PRKG1: variants seen among roughly 807,000 people sequenced by gnomAD.
PRKG1 encodes cGMP-dependent protein kinase 1.
PRKG1 carries 35 observed loss-of-function variants against 88.1 expected under a neutral mutation model. That is an observed-to-expected ratio of 0.40 (90% CI 0.30 to 0.53). The LOEUF is 0.53. PRKG1 is among the 20% of genes least tolerant of loss of function. PRKG1 has a pLI of 0.59. For synonymous variants in PRKG1, 303 were observed against 292.5 expected, an observed-to-expected ratio of 1.04 and a Z score of -0.37; for missense variants, 540 against 839.8, an observed-to-expected ratio of 0.64 and a Z score of 4.41.
chr10:51,331,506 C>T (rs1841740533), intron 2 of PRKG1, among the ~76,000 whole-genome samples: 1 of 152,148 alleles, frequency 6.6e-6, no homozygotes, highest in African/African-American at 2.4e-5. Flanking sequence ...GTCCTGTGCT[C>T]ACTTTCCTCT....
At chr10:51,277,503 T>A (rs1840158121) in intron 2 of PRKG1, among the ~76,000 whole-genome samples, 1 of 152,194 alleles carries the variant, frequency 6.6e-6, no homozygotes, top group Non-Finnish European at 1.5e-5. Flanking sequence ...GTGAAGAAAG[T>A]CTTTCGTAGC....
At chr10:51,125,282 C>T (rs866842761) in intron 1 of PRKG1, among the ~76,000 whole-genome samples, 1 of 151,826 alleles carries the variant, frequency 6.6e-6, no homozygotes, top group Non-Finnish European at 1.5e-5. Flanking sequence ...CAAGATAGCA[C>T]CACTGCACTC....
intron 3 of PRKG1, among the ~76,000 whole-genome samples, chr10:51,772,039 G>C (rs1458916663): frequency 3.3e-5 from 5 of 151,422 alleles, no homozygotes; most frequent in Admixed American, 2.6e-4. Flanking sequence ...ATCCAAAAAA[G>C]TTTCAAATAT....
rs1842784530 is a variant in PRKG1, at chr10:50,991,698, C to T, written c.266+54C>T. On this transcript the variant is annotated intron_variant, in intron 1 of 17. Coordinates refer to the PRKG1 transcript ENST00000401604. This position sits in a 1 kb window ranked among gnomAD's most constrained non-coding sequence, Gnocchi z 4.5. ...CTCGTCCCGGCCCGCGGCGCAGAGG[C>T]TGGGGGCTCTGGCCGCGGCGGCGGG... The T allele has an allele frequency of 1.7e-6, 2 of 1,203,986 alleles. No homozygotes were observed. Among genetic ancestry groups the T allele is most frequent in the African/African-American group, 3.3e-5 (2 of 61,532 alleles). The allele number at this position is 1,203,986 out of a possible 1,614,324, so 74.6% of individuals were successfully genotyped here.
At chr10:51,211,390 G>A (rs887569114) in intron 2 of PRKG1, among the ~76,000 whole-genome samples, 13 of 152,012 alleles carry the variant, frequency 8.6e-5, no homozygotes, top group Admixed American at 3.3e-4. Flanking sequence ...GAAGCATTCC[G>A]TTTGAAAACT....
intron 7 of PRKG1, among the ~76,000 whole-genome samples, chr10:52,105,646 C>T (rs143736795): frequency 6.6e-6 from 1 of 151,602 alleles, no homozygotes; most frequent in East Asian, 1.9e-4. Context: ...CTTTTAAGTT[C>T]AGGGGTACAA....
chr10:51,921,033 T>G (rs928295149), intron 5 of PRKG1, among the ~76,000 whole-genome samples: 1 of 152,058 alleles, frequency 6.6e-6, no homozygotes. Context: ...TCTTTGGGTT[T>G]TGCCCCCCAG....
At chr10:52,280,075 A>G (rs1379336518) in intron 12 of PRKG1, among the ~76,000 whole-genome samples, 1 of 152,118 alleles carries the variant, frequency 6.6e-6, no homozygotes, top group Admixed American at 6.6e-5. Flanking sequence ...CTTGCTAAAC[A>G]TAATAATCAA....
intron 2 of PRKG1, among the ~76,000 whole-genome samples, chr10:51,398,916 G>T (rs1177728401): frequency 6.6e-6 from 1 of 152,238 alleles, no homozygotes; most frequent in East Asian, 1.9e-4. Flanking sequence ...AGCTCTTCTT[G>T]GTTGTGGAGC....
intron 2 of PRKG1, among the ~76,000 whole-genome samples, chr10:51,278,422 T>C (rs1413790060): frequency 6.6e-6 from 1 of 152,164 alleles, no homozygotes; most frequent in East Asian, 1.9e-4. Flanking sequence ...TCTCTTTTTT[T>C]GTTGTGTCTC....
intron 9 of PRKG1, among the ~76,000 whole-genome samples, chr10:52,183,852 G>A (rs1353115585): frequency 1.3e-5 from 2 of 152,250 alleles, no homozygotes; most frequent in East Asian, 3.8e-4. Context: ...GGCTTGCAAT[G>A]ACTATGGGAT....
At chr10:51,103,976 G>A (rs1844752274) in intron 1 of PRKG1, among the ~76,000 whole-genome samples, 1 of 152,152 alleles carries the variant, frequency 6.6e-6, no homozygotes, top group Non-Finnish European at 1.5e-5. Flanking sequence ...CATTTATAGA[G>A]TCATAACAAT....
intron 4 of PRKG1, among the ~76,000 whole-genome samples, chr10:51,899,449 G>C (rs1244920674): frequency 2.0e-5 from 3 of 151,500 alleles, no homozygotes; most frequent in African/African-American, 7.3e-5. Flanking sequence ...TGGATCACTT[G>C]AAGTCAGGAG....
At position 51,714,538 on chromosome 10, in the gene PRKG1, T is replaced by C. The variant is rs144562021; in HGVS notation, c.593-90047T>C. Among the ~76,000 whole-genome samples the C allele has an allele frequency of 4.8e-4, 73 of 152,206 alleles. No homozygotes were observed. In the East Asian group the frequency reaches 7.0e-3, roughly 14 times the overall value. ...AAAAGTTCCTTTATATCTTGAAAGATAGAAGGAAGAGATGTAGAAGGCAAA... is the reference window on the plus strand; with the variant it reads ...AAAAGTTCCTTTATATCTTGAAAGACAGAAGGAAGAGATGTAGAAGGCAAA... On this transcript the variant is annotated intron_variant, in intron 3 of 17. Coordinates refer to ENST00000373980, the MANE Select transcript of PRKG1 (RefSeq NM_006258.4).
At chr10:51,214,537 A>G (rs1028214320) in intron 2 of PRKG1, among the ~76,000 whole-genome samples, 8 of 151,936 alleles carry the variant, frequency 5.3e-5, no homozygotes, top group Non-Finnish European at 8.8e-5. Flanking sequence ...GCTGGAGCGC[A>G]GTGGCATGAT....
intron 3 of PRKG1, among the ~76,000 whole-genome samples, chr10:51,733,017 G>T (rs72797387): frequency 0.039 from 5,989 of 151,832 alleles, 174 homozygotes; most frequent in Non-Finnish European, 0.064. Context: ...TCCTCAAATG[G>T]TAGAGGAGAG....
intron 2 of PRKG1, among the ~76,000 whole-genome samples, chr10:51,255,362 C>T (rs547611193): frequency 2.2e-4 from 33 of 152,176 alleles, no homozygotes; most frequent in African/African-American, 7.9e-4. Context: ...ACTGCAAGGG[C>T]TTGTGTAGTC....
At chr10:52,206,274 T>C (rs1193859479) in intron 9 of PRKG1, among the ~76,000 whole-genome samples, 1 of 152,180 alleles carries the variant, frequency 6.6e-6, no homozygotes. Context: ...TTTGTTTCTT[T>C]CTCTAAATGG....
In PRKG1 at chr10:52,204,194, A is replaced by G. The variant is rs546160108; in HGVS notation, c.1076+42231A>G. ...CGGCTTACTGCAGCCTCCACCTCCC[A>G]GGTTCCAGCAATTCTGCCTCAGCCT... On this transcript the variant is annotated intron_variant, in intron 9 of 17. Coordinates refer to ENST00000373980, the MANE Select transcript of PRKG1 (RefSeq NM_006258.4). Among the ~76,000 whole-genome samples the G allele has an allele frequency of 2.5e-4, 38 of 151,990 alleles. 2 individuals carry two copies. The Middle Eastern group carries it at 0.034, about 136-fold the overall frequency.
Sources: gnomAD v4.1 joint callset for allele counts (sites outside exome capture counted in the v4.1 genomes callset) on GRCh38, gnomAD v4.1.1 for gene constraint, Gnocchi (gnomAD v3.1) non-coding constraint, MANE v1.5 for transcripts, NCBI Gene and HGNC (gene_info 2026-07-23, HGNC 2026-07-21) for gene names.